Variants in PRKN observed in about 807,000 individuals in gnomAD.
PRKN encodes the protein parkin RBR E3 ubiquitin protein ligase.
A neutral mutation model predicts 59.5 loss-of-function variants in PRKN; 56 were observed. The observed-to-expected ratio is 0.94, with a 90% CI of 0.76 to 1.18. The LOEUF is 1.18. Among genes scored for constraint, PRKN ranks in the 50% most tolerant of loss-of-function variants. The pLI, the probability that PRKN is intolerant of heterozygous loss-of-function variation, is 0.00. For missense variants in PRKN, 657 were observed against 596.4 expected (o/e 1.10, Z -1.06); for synonymous variants, 250 against 222.1 (o/e 1.13, Z -1.12).
chr6:162,399,956 G>A (rs569689830), intron 2 of PRKN, among the ~76,000 whole-genome samples: 38 of 152,204 alleles, frequency 2.5e-4, no homozygotes, highest in African/African-American at 7.7e-4. Context: ...TTGTAATTGC[G>A]GCACTTTGGG....
chr6:162,352,104 G>A (rs1784649976), intron 2 of PRKN, among the ~76,000 whole-genome samples: 1 of 152,118 alleles, frequency 6.6e-6, no homozygotes, highest in African/African-American at 2.4e-5. Context: ...AATATTGACA[G>A]CGGGGTTCAA....
At chr6:161,961,805 T>A (rs1297619641) in intron 6 of PRKN, among the ~76,000 whole-genome samples, 1 of 151,232 alleles carries the variant, frequency 6.6e-6, no homozygotes, top group African/African-American at 2.4e-5. Context: ...TTACCTTATC[T>A]TTGATGGTAG....
chr6:162,370,002 C>T (rs1583452661), intron 2 of PRKN, among the ~76,000 whole-genome samples: 1 of 152,170 alleles, frequency 6.6e-6, no homozygotes, highest in South Asian at 2.1e-4. Flanking sequence ...AGAATGAGTA[C>T]ACATGGCCTC....
At chr6:161,476,090 G>C (rs1260633639) in intron 9 of PRKN, among the ~76,000 whole-genome samples, 1 of 151,708 alleles carries the variant, frequency 6.6e-6, no homozygotes, top group Non-Finnish European at 1.5e-5. Context: ...AGGAGGCTGA[G>C]GCCGGAGAAT....
intron 6 of PRKN, among the ~76,000 whole-genome samples, chr6:161,952,087 C>T (rs1180447995): frequency 6.6e-6 from 1 of 152,082 alleles, no homozygotes; most frequent in Non-Finnish European, 1.5e-5. Flanking sequence ...AAAATTGATG[C>T]CATATTGAAA....
At chr6:162,727,363 G>A in intron 1 of PRKN, 3 of 415,620 alleles carry the variant, frequency 7.2e-6, no homozygotes, top group South Asian at 3.2e-5. Flanking sequence ...CACACGGTCC[G>A]GGGGACCGCG....
In PRKN at chr6:161,990,176, C is replaced by T. The variant is rs531725183; in HGVS notation, c.619-16759G>A. Among the ~76,000 whole-genome samples the T allele has an allele frequency of 2.6e-5, 4 of 152,252 alleles. No homozygotes were observed. In the South Asian group the frequency reaches 8.3e-4, roughly 32 times the overall value. On this transcript the variant is annotated intron_variant, in intron 5 of 11. Transcript: ENST00000366898. ...CAAACCACTGGTGCCACCACTGTGC[C>T]CGAAGACCAGCCCACTTGGTGTCCC...
chr6:161,880,054 G>T (rs1038292704), intron 6 of PRKN, among the ~76,000 whole-genome samples: 1 of 152,126 alleles, frequency 6.6e-6, no homozygotes, highest in African/African-American at 2.4e-5. Context: ...ACAGTAACTT[G>T]GGGATTCAGA....
Position 161,597,284 on chromosome 6 carries a change from T to A in PRKN, c.872-27868A>T, listed in dbSNP as rs544612185. Among the ~76,000 whole-genome samples the A allele has an allele frequency of 3.3e-5, 5 of 152,288 alleles. No individual in the cohort carries two copies. The East Asian group carries it at 7.7e-4, about 24-fold the overall frequency. On this transcript the variant is annotated intron_variant, in intron 7 of 11. Transcript: ENST00000366898. ...TAACTAAACAGCAAATGTTCTCAGGTTTCAGACCTCAGCTGGTCAGGTTTT... is the reference window on the plus strand; with the variant it reads ...TAACTAAACAGCAAATGTTCTCAGGATTCAGACCTCAGCTGGTCAGGTTTT...
intron 6 of PRKN, among the ~76,000 whole-genome samples, chr6:161,959,342 C>T (rs971663295): frequency 5.9e-5 from 9 of 152,126 alleles, no homozygotes; most frequent in African/African-American, 1.2e-4. Flanking sequence ...CCTTTGCAGG[C>T]CTCGGTTCCG....
At chr6:162,643,757 T>C (rs751551451) in intron 1 of PRKN, 4 of 152,180 alleles carry the variant, frequency 2.6e-5, no homozygotes, top group Non-Finnish European at 5.9e-5. Flanking sequence ...TTCTGAAAGG[T>C]TTTTATCCAG....
At chr6:162,656,683 C>G (rs182357497) in intron 1 of PRKN, among the ~76,000 whole-genome samples, 1 of 152,158 alleles carries the variant, frequency 6.6e-6, no homozygotes, top group Admixed American at 6.5e-5. Context: ...TTTTGAAGAG[C>G]ACATATAATC....
At chr6:162,664,483 C>A (rs564798846) in intron 1 of PRKN, among the ~76,000 whole-genome samples, 1 of 152,114 alleles carries the variant, frequency 6.6e-6, no homozygotes, top group African/African-American at 2.4e-5. Flanking sequence ...TCTTCCACAA[C>A]GGTCGAACTA....
chr6:162,556,519 C>T (rs544253978), intron 1 of PRKN, among the ~76,000 whole-genome samples: 4 of 151,482 alleles, frequency 2.6e-5, no homozygotes, highest in South Asian at 2.1e-4. Context: ...GAGGCCGAGG[C>T]GGGGGGATCA....
intron 7 of PRKN, among the ~76,000 whole-genome samples, chr6:161,705,638 T>C (rs934882974): frequency 6.6e-6 from 1 of 152,128 alleles, no homozygotes; most frequent in Non-Finnish European, 1.5e-5. Flanking sequence ...ATCTGTAAAA[T>C]GGGAATAAAA....
intron 9 of PRKN, among the ~76,000 whole-genome samples, chr6:161,481,027 G>A (rs754216000): frequency 9.2e-5 from 14 of 152,234 alleles, no homozygotes; most frequent in South Asian, 4.1e-4. Flanking sequence ...GCAGCAGCAC[G>A]TGGAAGTGGG....
At chr6:162,574,272 T>C (rs1780466086) in intron 1 of PRKN, among the ~76,000 whole-genome samples, 1 of 152,062 alleles carries the variant, frequency 6.6e-6, no homozygotes, top group Non-Finnish European at 1.5e-5. Context: ...GGAGTATATC[T>C]GGAGAAAAAC....
Position 161,348,099 on chromosome 6 carries a change from G to T in PRKN, c.*2000C>A. 1 of 189,860 alleles carries T rather than the reference G, an allele frequency of 5.3e-6. No homozygotes were observed. The allele number at this position is 189,860 out of a possible 1,614,324, so 11.8% of individuals were successfully genotyped here. A position where few individuals can be genotyped will look rare whatever the true frequency, so the allele number is the denominator to read the frequency against. ...CCAACGCAGCATGCAGATTGGGAAGGCGCAATAATGCAAACACCATCAGGA... is the reference window on the plus strand; with the variant it reads ...CCAACGCAGCATGCAGATTGGGAAGTCGCAATAATGCAAACACCATCAGGA... On this transcript the variant is annotated 3_prime_UTR_variant, in exon 12 of 12. Transcript: ENST00000366898. This position sits in a 1 kb window ranked among gnomAD's most constrained non-coding sequence, Gnocchi z 4.9.
chr6:161,433,765 C>T (rs1423363013), intron 9 of PRKN, among the ~76,000 whole-genome samples: 3 of 151,890 alleles, frequency 2.0e-5, no homozygotes, highest in African/African-American at 4.8e-5. Flanking sequence ...ACCTGTAATC[C>T]CAGCACTTTG....
Sources: allele counts gnomAD v4.1 joint callset (sites outside exome capture counted in the v4.1 genomes callset), GRCh38; gene constraint gnomAD v4.1.1; non-coding constraint Gnocchi (gnomAD v3.1); transcripts MANE v1.5; gene names NCBI Gene and HGNC (gene_info 2026-07-23, HGNC 2026-07-21).